NCBP1: variants seen among roughly 807,000 people sequenced by gnomAD.
NCBP1 encodes the protein nuclear cap binding protein subunit 1.
A neutral mutation model predicts 111.7 loss-of-function variants in NCBP1; 16 were observed. The observed-to-expected ratio is 0.14, with a 90% CI of 0.10 to 0.22. The LOEUF (loss-of-function observed/expected upper bound fraction) is 0.22, where lower values mean the gene tolerates loss of function less well. Among genes scored for constraint, NCBP1 ranks in the 10% least tolerant of loss-of-function variants. The probability of loss-of-function intolerance (pLI) is 1.00; values close to 1 mark genes in which losing one functional copy is unlikely to be tolerated. For synonymous variants in NCBP1, 304 were observed against 314.3 expected (o/e 0.97, Z 0.35); for missense variants, 607 against 957.5 (o/e 0.63, Z 4.83).
chr9:97,645,557 T>G, intron 5 of NCBP1, 54 bp from the exon 6 acceptor site: 1 of 1,527,878 alleles, frequency 6.5e-7, no homozygotes, highest in Non-Finnish European at 9.0e-7. Context: ...AAATAAAATA[T>G]GAATGAATAT....
At chr9:97,635,255 G>A (rs1269473521) in intron 1 of NCBP1, among the ~76,000 whole-genome samples, 1 of 152,130 alleles carries the variant, frequency 6.6e-6, no homozygotes, top group Non-Finnish European at 1.5e-5. Context: ...AAGATGGAGG[G>A]ACAGCTGTCA....
chr9:97,667,235 AAC>A (rs1828034707), intron 20 of NCBP1, among the ~76,000 whole-genome samples: 1 of 152,158 alleles, frequency 6.6e-6, no homozygotes, highest in African/African-American at 2.4e-5. Flanking sequence ...ATAGATACTT[AAC>A]ACTTTCCCCG....
intron 17 of NCBP1, among the ~76,000 whole-genome samples, chr9:97,662,399 G>T (rs73498381): frequency 6.6e-6 from 1 of 152,136 alleles, no homozygotes; most frequent in African/African-American, 2.4e-5. Context: ...AAAAACCTAG[G>T]TTTTTGGGAC....
intron 12 of NCBP1, 23 bp from the exon 13 acceptor site, chr9:97,655,679 C>T (rs1405829372): frequency 1.3e-6 from 2 of 1,584,584 alleles, no homozygotes; most frequent in African/African-American, 1.4e-5. Context: ...TTTTCTCTGC[C>T]TACCTCCCCC....
intron 10 of NCBP1, among the ~76,000 whole-genome samples, chr9:97,653,119 CTTT>C (rs57742118): frequency 6.5e-5 from 8 of 123,550 alleles, no homozygotes; most frequent in Admixed American, 8.5e-5. Flanking sequence ...TAAAAGAATT[CTTT>C]TTTTTTTTTT....
At chr9:97,643,102 C>T in intron 3 of NCBP1, 102 bp from the exon 4 acceptor site, 1 of 1,197,690 alleles carries the variant, frequency 8.3e-7, no homozygotes, top group Non-Finnish European at 1.2e-6. Flanking sequence ...TAAAAGTAAT[C>T]CTGTTCCAAA....
chr9:97,637,252 G>T (rs1297645996), intron 1 of NCBP1, among the ~76,000 whole-genome samples: 1 of 152,182 alleles, frequency 6.6e-6, no homozygotes, highest in Non-Finnish European at 1.5e-5. Context: ...TATAAACAAG[G>T]AAAAGGAAAT....
chr9:97,646,839 CAAAAAAAAA>C (rs1199961668), intron 6 of NCBP1, among the ~76,000 whole-genome samples: 1 of 55,730 alleles, frequency 1.8e-5, no homozygotes. Context: ...GACTCCGTCT[CAAAAAAAAA>C]AAAAAAAAAA....
intron 19 of NCBP1, among the ~76,000 whole-genome samples, chr9:97,665,914 CAT>C (rs1266384422): frequency 1.3e-5 from 2 of 152,090 alleles, no homozygotes; most frequent in Non-Finnish European, 2.9e-5. Context: ...TACAATAAAT[CAT>C]AAGAGAGGAA....
chr9:97,654,743 A>T (rs1827598616), intron 11 of NCBP1, 137 bp from the exon 12 acceptor site: 1 of 795,628 alleles, frequency 1.3e-6, no homozygotes, highest in East Asian at 2.7e-5. Flanking sequence ...AAAAACAAAA[A>T]CAAGATTGAT....
At chr9:97,653,733 G>A (rs1277704827) in intron 10 of NCBP1, 65 bp from the exon 11 acceptor site, 1 of 1,198,872 alleles carries the variant, frequency 8.3e-7, no homozygotes, top group Non-Finnish European at 1.2e-6. Context: ...AGAATGTTAA[G>A]GTCTTTCTAA....
At chr9:97,669,959 G>A (rs1828134080) in intron 22 of NCBP1, 1 of 490,958 alleles carries the variant, frequency 2.0e-6, no homozygotes, top group South Asian at 1.9e-5. Flanking sequence ...ATCTCACTCT[G>A]TTGCCCAGGC....
At chr9:97,652,954 G>C (rs1827539941) in intron 10 of NCBP1, among the ~76,000 whole-genome samples, 1 of 152,098 alleles carries the variant, frequency 6.6e-6, no homozygotes, top group South Asian at 2.1e-4. Flanking sequence ...TAGAATTCTA[G>C]ACAGGTGGTC....
At chr9:97,647,689 T>A (rs1827385225) in intron 7 of NCBP1, 128 bp downstream of exon 7, 1 of 772,256 alleles carries the variant, frequency 1.3e-6, no homozygotes, top group Non-Finnish European at 2.1e-6. Flanking sequence ...GATAGTTCCT[T>A]CTCATAGCTC....
At chr9:97,668,335 G>T (rs1359128895) in intron 20 of NCBP1, among the ~76,000 whole-genome samples, 1 of 152,196 alleles carries the variant, frequency 6.6e-6, no homozygotes, top group African/African-American at 2.4e-5. Context: ...GCTGGGGGCA[G>T]GGATTATTAA....
chr9:97,658,660 T>C lies in NCBP1; in HGVS notation c.1394T>C (p.Ile465Thr). 1 of 1,611,720 alleles carries C rather than the reference T, an allele frequency of 6.2e-7. No homozygotes were observed. Among genetic ancestry groups the C allele is most frequent in the Non-Finnish European group, 8.5e-7 (1 of 1,177,984 alleles). ...TGTAGGTTGTCTTACCATCAGCGTA[T>C]ATTAGATATTGTTCCTCCTACCTTC... Reference protein sequence around the residue: ...KCMRLSYHQRILDIVPPTFSA... With the variant: ...KCMRLSYHQRTLDIVPPTFSA... The change falls in exon 15 of 23, where the codon ATA becomes ACA. Residue 465 changes from isoleucine (I) to threonine (T), a missense_variant. Physicochemically the swap from Ile to Thr is moderately conservative, Grantham distance 89 (BLOSUM62 -1). Coordinates refer to ENST00000375147, the MANE Select transcript of NCBP1 (RefSeq NM_002486.5).
At position 97,664,426 on chromosome 9, in the gene NCBP1, A is replaced by G. The variant is rs753700260; in HGVS notation, c.1884A>G (p.Leu628=). The G allele has an allele frequency of 4.4e-6, 7 of 1,606,244 alleles. No homozygotes were observed. In the Admixed American group the frequency reaches 6.7e-5, roughly 15 times the overall value. Residue 628 remains leucine (L), a synonymous_variant, in exon 19 of 23, where the codon CTA becomes CTG. Transcript: ENST00000375147. ...AVANWIFSSE[L]SRDFTRLFVW... is the part of the protein sequence containing the mutation. ...CAAATTGGATCTTCTCTTCAGAACT[A>G]TCTCGTGACTTTACCAGGTAATATA...
At chr9:97,635,188 G>A (rs1002835598) in intron 1 of NCBP1, among the ~76,000 whole-genome samples, 62 of 152,172 alleles carry the variant, frequency 4.1e-4, no homozygotes, top group African/African-American at 1.4e-3. Flanking sequence ...GGCTTGAGAG[G>A]ATATTCTAGT....
intron 17 of NCBP1, 92 bp downstream of exon 17, chr9:97,662,236 A>T: frequency 1.1e-6 from 1 of 950,742 alleles, no homozygotes; most frequent in Non-Finnish European, 1.7e-6. Context: ...ATTGTTGAAT[A>T]TGAAGATCTT....
Sources: allele counts gnomAD v4.1 joint callset (sites outside exome capture counted in the v4.1 genomes callset), GRCh38; gene constraint gnomAD v4.1.1; transcripts MANE v1.5; gene names NCBI Gene and HGNC (gene_info 2026-07-23, HGNC 2026-07-21).